The following ACTN2 variants were observed in gnomAD, a reference collection of about 807,000 sequenced individuals.
ACTN2 encodes actinin alpha 2.
A neutral mutation model predicts 113.8 loss-of-function variants in ACTN2; 39 were observed. The observed-to-expected ratio is 0.34, with a 90% CI of 0.27 to 0.45. The LOEUF (loss-of-function observed/expected upper bound fraction) is 0.45. Ranked by LOEUF, ACTN2 falls within the 20% of genes least tolerant of loss-of-function variation. ACTN2 has a pLI of 1.00. For missense variants in ACTN2, 992 were observed against 1,177.9 expected (o/e 0.84, Z 2.31); for synonymous variants, 429 against 444.1 (o/e 0.97, Z 0.43).
intron 4 of ACTN2, among the ~76,000 whole-genome samples, chr1:236,724,464 C>T (rs982679391): frequency 1.3e-5 from 2 of 152,172 alleles, no homozygotes; most frequent in Admixed American, 6.5e-5. Context: ...GCAGGAGATG[C>T]CTGAGGAGCC....
chr1:236,690,814 C>T (rs188017023), intron 1 of ACTN2, among the ~76,000 whole-genome samples: 7 of 152,186 alleles, frequency 4.6e-5, no homozygotes, highest in Middle Eastern at 6.8e-3. Flanking sequence ...AGTGGTGGTA[C>T]GTCTATTCAC....
intron 13 of ACTN2, among the ~76,000 whole-genome samples, chr1:236,748,425 A>G (rs553131855): frequency 2.6e-5 from 4 of 152,330 alleles, no homozygotes; most frequent in African/African-American, 7.2e-5. Flanking sequence ...GTCAAGAGAA[A>G]GACCAGACAT....
chr1:236,759,971 C>T (rs373690724), intron 19 of ACTN2, among the ~76,000 whole-genome samples, 182 bp downstream of exon 19: 2 of 152,188 alleles, frequency 1.3e-5, no homozygotes, highest in East Asian at 3.8e-4. Context: ...CGAGGCCTGG[C>T]GCAGTGGCTC....
chr1:236,742,153 C>T (rs11800192), intron 10 of ACTN2, among the ~76,000 whole-genome samples: 2,547 of 152,260 alleles, frequency 0.017, 68 homozygotes, highest in African/African-American at 0.058. Context: ...ACCACCCTGA[C>T]GGGCAGGGCT....
In ACTN2 at chr1:236,738,611, T is replaced by G. The variant is rs76357190; in HGVS notation, c.877-691T>G. Among the ~76,000 whole-genome samples the G allele has an allele frequency of 9.8e-3, 1,491 of 152,300 alleles. 24 individuals are homozygous for G. The highest frequency in any genetic ancestry group is 0.033 in the African/African-American group (1,384 of 41,564). ...CTAGGTATATCACCATTTAAACTAT[T>G]TTTCATTCGAATCTGCTGTCATTTT... On this transcript the variant is annotated intron_variant, in intron 9 of 20. Coordinates refer to ENST00000366578, the MANE Select transcript of ACTN2 (RefSeq NM_001103.4).
At chr1:236,750,178 A>G (rs906818688) in intron 14 of ACTN2, among the ~76,000 whole-genome samples, 4 of 152,214 alleles carry the variant, frequency 2.6e-5, no homozygotes, top group Non-Finnish European at 5.9e-5. Flanking sequence ...AATTTGATGT[A>G]TAATAGAATA....
chr1:236,718,590 G>A (rs1300019350), intron 2 of ACTN2, among the ~76,000 whole-genome samples: 1 of 152,166 alleles, frequency 6.6e-6, no homozygotes, highest in African/African-American at 2.4e-5. Context: ...ATACTCCAGG[G>A]ACTCTAACCA....
At chr1:236,721,122 G>A (rs1658383363) in intron 4 of ACTN2, among the ~76,000 whole-genome samples, 1 of 145,838 alleles carries the variant, frequency 6.9e-6, no homozygotes, top group Non-Finnish European at 1.5e-5. Context: ...CTGCCTCCTG[G>A]GTCCACGCCA....
intron 12 of ACTN2, among the ~76,000 whole-genome samples, chr1:236,745,429 G>A (rs576904397): frequency 4.1e-4 from 62 of 152,152 alleles, no homozygotes; most frequent in African/African-American, 1.4e-3. Flanking sequence ...GCGGGACTCC[G>A]TCTCAAAAAA....
In ACTN2 at chr1:236,709,329, T is replaced by TATATATATACGTGTATATATACAC. The variant is rs1491548644; in HGVS notation, c.127-8529_127-8528insATATATATACGTGTATATATACAC. Among the ~76,000 whole-genome samples, 41 of 127,352 alleles carry TATATATATACGTGTATATATACAC rather than the reference T, an allele frequency of 3.2e-4. No homozygotes were observed. The East Asian group carries it at 8.5e-3, about 26-fold the overall frequency. 83.5% of individuals were successfully genotyped at this position (127,352 alleles called of 152,430 possible). On this transcript the variant is annotated intron_variant, in intron 1 of 20. Transcript: ENST00000366578. ...ATACGTATATATGTATATATATACA[T>TATATATATACGTGTATATATACAC]GTATATATATACGTGTATATATATA...
At position 236,762,951 on chromosome 1, in the gene ACTN2, G is replaced by A. The variant is rs1167174966; in HGVS notation, c.*332G>A. 2 of 339,120 alleles carry A rather than the reference G, an allele frequency of 5.9e-6. No homozygotes were observed. Among genetic ancestry groups the A allele is most frequent in the East Asian group, 7.5e-5 (1 of 13,372 alleles). 21.0% of individuals were successfully genotyped at this position (339,120 alleles called of 1,614,324 possible). A position where few individuals can be genotyped will look rare whatever the true frequency, so the allele number is the denominator to read the frequency against. On this transcript the variant is annotated 3_prime_UTR_variant, in exon 21 of 21. Coordinates refer to ENST00000366578, the MANE Select transcript of ACTN2 (RefSeq NM_001103.4). ...TAGGGACAGAAGGAAAGTGAAAAAT[G>A]TGAAAATACAAAATACCCAAGATTT...
At chr1:236,690,668 A>C (rs1030238653) in intron 1 of ACTN2, among the ~76,000 whole-genome samples, 3 of 152,174 alleles carry the variant, frequency 2.0e-5, no homozygotes, top group Non-Finnish European at 4.4e-5. Context: ...AATATTTGTT[A>C]ATCAGCACTG....
chr1:236,762,512 C>G lies in ACTN2; in HGVS notation c.2578C>G (p.Gln860Glu), dbSNP rs763078071. Residue 860 changes from glutamine to glutamate, a missense_variant, in exon 21 of 21, where the codon CAG becomes GAG. Around this residue, in one of 3 missense-constraint regions of ACTN2, gnomAD observed 736 missense variants for 815.4 expected, o/e 0.90. Transcript: ENST00000366578. Reference sequence around the variant, plus strand: ...TCGGGAGCTGCCCCCGGATCAGGCCCAGTACTGCATCAAGAGGATGCCCGC... The same window carrying G: ...TCGGGAGCTGCCCCCGGATCAGGCCGAGTACTGCATCAAGAGGATGCCCGC... Reference protein sequence around the residue: ...LRRELPPDQAQYCIKRMPAYS... With the variant: ...LRRELPPDQAEYCIKRMPAYS... The G allele has an allele frequency of 4.3e-6, 7 of 1,614,178 alleles. No individual in the cohort carries two copies. The highest frequency in any genetic ancestry group is 5.9e-6 in the Non-Finnish European group (7 of 1,180,020).
intron 13 of ACTN2, 119 bp downstream of exon 13, chr1:236,747,894 C>A: frequency 2.5e-6 from 2 of 785,454 alleles, no homozygotes; most frequent in Non-Finnish European, 4.3e-6. Context: ...GTGAAAGGAA[C>A]CTCTAAAGAA....
Position 236,764,091 on chromosome 1 carries a change from C to T in ACTN2, c.*1472C>T, listed in dbSNP as rs1659782568. 1.3e-5 allele frequency: 2 copies of T among 152,194 alleles called. No individual in the cohort carries two copies. Among genetic ancestry groups the T allele is most frequent in the South Asian group, 4.1e-4 (2 of 4,836 alleles). The allele number at this position is 152,194 out of a possible 1,614,324, so 9.4% of individuals were successfully genotyped here. On this transcript the variant is annotated 3_prime_UTR_variant, in exon 21 of 21. Transcript: ENST00000366578. ...GATTTTTATAGATTTCCACCAACAG[C>T]TGGAAATGTAATATTTCCATTCCAA...
At chr1:236,762,090 A>G (rs1196105287) in intron 20 of ACTN2, among the ~76,000 whole-genome samples, 3 of 152,168 alleles carry the variant, frequency 2.0e-5, no homozygotes, top group African/African-American at 4.8e-5. Flanking sequence ...ACTTTTACCA[A>G]CCAGACTATT....
chr1:236,746,903 C>G (rs1373079181), intron 12 of ACTN2, among the ~76,000 whole-genome samples: 1 of 152,114 alleles, frequency 6.6e-6, no homozygotes, highest in South Asian at 2.1e-4. Flanking sequence ...TTCAGAAATC[C>G]CGCTATGTTA....
At chr1:236,755,307 C>T in intron 17 of ACTN2, 109 bp downstream of exon 17, 1 of 1,316,912 alleles carries the variant, frequency 7.6e-7, no homozygotes, top group Non-Finnish European at 1.1e-6. Flanking sequence ...TTAAGACCTA[C>T]AAGTATGAAA....
At chr1:236,753,329 C>T (rs1490457422) in intron 15 of ACTN2, among the ~76,000 whole-genome samples, 13 of 152,130 alleles carry the variant, frequency 8.5e-5, no homozygotes, top group South Asian at 6.2e-4. Context: ...TTTACTAACA[C>T]GTTTAAAACC....
Sources: gnomAD v4.1 joint callset for allele counts (sites outside exome capture counted in the v4.1 genomes callset) on GRCh38, gnomAD v4.1.1 for gene constraint, gnomAD v4.1.1 regional missense constraint, MANE v1.5 for transcripts, NCBI Gene and HGNC (gene_info 2026-07-23, HGNC 2026-07-21) for gene names.